Variants in CERS5 observed in about 807,000 individuals in gnomAD.
CERS5 encodes LAG1 homolog, ceramide synthase 5.
A neutral mutation model predicts 58.9 loss-of-function variants in CERS5; 37 were observed. The observed-to-expected ratio is 0.63, with a 90% CI of 0.48 to 0.83. CERS5 has a LOEUF of 0.83. CERS5 is among the 40% of genes least tolerant of loss of function. The probability of loss-of-function intolerance (pLI) is 0.00; values close to 1 mark genes in which losing one functional copy is unlikely to be tolerated. For synonymous variants in CERS5, 147 were observed against 177.8 expected (o/e 0.83, Z 1.38); for missense variants, 398 against 489.3 (o/e 0.81, Z 1.76).
intron 6 of CERS5, among the ~76,000 whole-genome samples, chr12:50,137,232 C>A (rs773289797): frequency 4.6e-5 from 7 of 152,142 alleles, no homozygotes; most frequent in Non-Finnish European, 7.3e-5. Context: ...CTGGGCAAGT[C>A]AGCTCACTTC....
chr12:50,143,429 C>A, intron 2 of CERS5: 1 of 437,656 alleles, frequency 2.3e-6, no homozygotes. Flanking sequence ...CCAGCCCAAG[C>A]TGAGTAAAAA....
chr12:50,143,113 T>G lies in CERS5; in HGVS notation c.395A>C (p.Gln132Pro). ...TTTAGTAAGCGTTGGGGGCTTGTCC[T>G]GATTCCTCCGATGGCGAAACCAGCA... The part of the protein sequence containing the change: ...IQCWFRHRRN[Q>P]DKPPTLTKFC... Residue 132 changes from glutamine to proline, a missense_variant, in exon 3 of 10, where the codon CAG (glutamine) becomes CCG (proline). By Grantham distance (76) the Gln-to-Pro change is moderately conservative (BLOSUM62 -1). Coordinates refer to ENST00000317551, the MANE Select transcript of CERS5 (RefSeq NM_147190.5). The G allele has an allele frequency of 6.2e-7, 1 of 1,613,970 alleles. No individual in the cohort carries two copies. Among genetic ancestry groups the G allele is most frequent in the Non-Finnish European group, 8.5e-7 (1 of 1,179,904 alleles).
chr12:50,166,140 T>A, intron 1 of CERS5: 1 of 255,650 alleles, frequency 3.9e-6, no homozygotes, highest in East Asian at 1.4e-4. Flanking sequence ...CTGGCCAACA[T>A]GGCGAAACCC....
Position 50,167,303 on chromosome 12 carries a change from G to C in CERS5, c.-6C>G, listed in dbSNP as rs78501653. On this transcript the variant is annotated 5_prime_UTR_variant, in exon 1 of 10. Transcript: ENST00000317551. The stretch of plus-strand genomic sequence containing the variant: ...CCCTGCGCTGCTGTCGCCATCTTAC[G>C]CCCACCCCGAAGCCACCGCCGCCAC... The C allele has an allele frequency of 6.7e-7, 1 of 1,486,760 alleles. No individual in the cohort carries two copies. Among genetic ancestry groups the C allele is most frequent in the African/African-American group, 1.5e-5 (1 of 67,722 alleles). 92.1% of individuals were successfully genotyped at this position (1,486,760 alleles called of 1,614,324 possible).
chr12:50,154,258 C>T (rs959205148), intron 1 of CERS5: 2 of 350,846 alleles, frequency 5.7e-6, no homozygotes, highest in Non-Finnish European at 1.1e-5. Flanking sequence ...GAGGCTGAGG[C>T]AGGAGAATCG....
chr12:50,166,557 T>G (rs943005919), intron 1 of CERS5, among the ~76,000 whole-genome samples: 6 of 152,088 alleles, frequency 3.9e-5, no homozygotes, highest in African/African-American at 1.2e-4. Flanking sequence ...CGTGCATGAG[T>G]TGACATACCA....
intron 1 of CERS5, among the ~76,000 whole-genome samples, chr12:50,147,724 T>A (rs1952372406): frequency 6.6e-6 from 1 of 152,232 alleles, no homozygotes; most frequent in African/African-American, 2.4e-5. Context: ...GCTACTCTTC[T>A]CACAGTTTTT....
chr12:50,144,507 G>T, intron 1 of CERS5: 1 of 332,958 alleles, frequency 3.0e-6, no homozygotes, highest in Non-Finnish European at 5.5e-6. Context: ...ATTAATAAAT[G>T]GCAGTTTCCT....
intron 4 of CERS5, 114 bp from the exon 5 acceptor site, chr12:50,138,731 CCAAA>C: frequency 1.1e-6 from 1 of 895,198 alleles, no homozygotes; most frequent in South Asian, 1.3e-5. Context: ...AGAAAAGCCC[CCAAA>C]CAGATTTTAG....
intron 8 of CERS5, 45 bp from the exon 9 acceptor site, chr12:50,134,747 G>T: frequency 6.4e-7 from 1 of 1,571,354 alleles, no homozygotes. Context: ...TCAAAGCTCA[G>T]CAGACAGGGA....
intron 1 of CERS5, among the ~76,000 whole-genome samples, chr12:50,145,336 C>A (rs1016996498): frequency 6.6e-6 from 1 of 151,984 alleles, no homozygotes; most frequent in Non-Finnish European, 1.5e-5. Context: ...CCCCCGTAAT[C>A]AGAGATTTTT....
intron 9 of CERS5, among the ~76,000 whole-genome samples, chr12:50,131,208 G>A (rs1951298188): frequency 6.6e-6 from 1 of 152,238 alleles, no homozygotes; most frequent in Non-Finnish European, 1.5e-5. Flanking sequence ...ACTATCCTAT[G>A]ACACTGTTTT....
At chr12:50,155,474 G>A (rs1228436870) in intron 1 of CERS5, among the ~76,000 whole-genome samples, 1 of 151,614 alleles carries the variant, frequency 6.6e-6, no homozygotes, top group Non-Finnish European at 1.5e-5. Context: ...CGGTGACTCA[G>A]GCCTGTAATC....
intron 1 of CERS5, among the ~76,000 whole-genome samples, chr12:50,156,333 G>C (rs1017845310): frequency 1.4e-5 from 2 of 142,912 alleles, no homozygotes; most frequent in African/African-American, 2.6e-5. Flanking sequence ...GAACCTGGGA[G>C]GCAGAGCTTG....
chr12:50,156,099 C>CAAAAA (rs34616031), intron 1 of CERS5, among the ~76,000 whole-genome samples: 1 of 48,976 alleles, frequency 2.0e-5, no homozygotes, highest in African/African-American at 9.8e-5. Context: ...CATTCTGTCT[C>CAAAAA]AAAAAAAAAA....
At position 50,137,779 on chromosome 12, in the gene CERS5, CA is replaced by C; in HGVS notation, c.584del (p.Leu195TrpfsTer21). ...SGLYHYYIME[L>X]AFYWSLMFSQ... ...AAAACATAAGGGACCAATAGAAGGC[CA>C]ATTCCATGATATAATAGTGATAAAG... is the stretch of plus-strand genomic sequence containing the variant. On this transcript the variant is annotated frameshift_variant, in exon 6 of 10. Transcript: ENST00000317551. LOFTEE classifies it high-confidence loss of function. 6.2e-7 allele frequency: 1 copy of C among 1,610,076 alleles called. No homozygotes were observed. Among genetic ancestry groups the C allele is most frequent in the Non-Finnish European group, 8.5e-7 (1 of 1,176,960 alleles).
chr12:50,135,364 A>G (rs901182208), intron 8 of CERS5: 1 of 416,154 alleles, frequency 2.4e-6, no homozygotes, highest in Non-Finnish European at 4.7e-6. Flanking sequence ...GGTTGGGACC[A>G]GAGCAGGAAC....
chr12:50,160,531 G>A (rs1240970982), intron 1 of CERS5, among the ~76,000 whole-genome samples: 1 of 152,018 alleles, frequency 6.6e-6, no homozygotes, highest in Non-Finnish European at 1.5e-5. Context: ...ATAAGCAGCG[G>A]TGAAAGCTCT....
intron 8 of CERS5, 200 bp downstream of exon 8, chr12:50,135,532 G>C (rs577568331): frequency 4.3e-6 from 3 of 702,984 alleles, no homozygotes; most frequent in South Asian, 3.0e-5. Flanking sequence ...CTAGAAATAC[G>C]GTCTGAGGCA....
Sources: allele counts gnomAD v4.1 joint callset (sites outside exome capture counted in the v4.1 genomes callset), GRCh38; gene constraint gnomAD v4.1.1; transcripts MANE v1.5; gene names NCBI Gene and HGNC (gene_info 2026-07-23, HGNC 2026-07-21).